Variants in MAP3K5 observed in about 807,000 individuals in gnomAD.
MAP3K5 encodes the protein ASK-1.
Under a neutral mutation model 158.7 loss-of-function variants are expected in MAP3K5, and 56 were observed. The ratio of observed to expected loss-of-function variants is 0.35; its 90% confidence interval spans 0.28 to 0.44. The LOEUF is 0.44. Ranked by LOEUF, MAP3K5 falls within the 20% of genes least tolerant of loss-of-function variation. The probability of loss-of-function intolerance (pLI) is 1.00; values close to 1 mark genes in which losing one functional copy is unlikely to be tolerated. For missense variants in MAP3K5, 1,294 were observed against 1,674.8 expected (o/e 0.77, Z 3.97); for synonymous variants, 579 against 601.7 (o/e 0.96, Z 0.55).
At chr6:136,742,584 T>C (rs1782758323) in intron 1 of MAP3K5, among the ~76,000 whole-genome samples, 1 of 152,088 alleles carries the variant, frequency 6.6e-6, no homozygotes, top group South Asian at 2.1e-4. Context: ...TAAATGACCA[T>C]TGGTATCATC....
In MAP3K5 at chr6:136,558,743, CT is replaced by C. The variant is rs926657451; in HGVS notation, c.4064+56del. 4 of 1,150,854 alleles carry C rather than the reference CT, an allele frequency of 3.5e-6. No homozygotes were observed. In the African/African-American group the frequency reaches 6.1e-5, roughly 18 times the overall value. 71.3% of individuals were successfully genotyped at this position (1,150,854 alleles called of 1,614,324 possible). A position where few individuals can be genotyped will look rare whatever the true frequency, so the allele number is the denominator to read the frequency against. ...GACCCAGCCTGGGAAGATACTCAGA[CT>C]TTTTGATATTTGCCTGGTGCTCTTT... On this transcript the variant is annotated intron_variant, in intron 29 of 29. Transcript: ENST00000359015.
At chr6:136,762,202 G>C (rs1314035990) in intron 1 of MAP3K5, among the ~76,000 whole-genome samples, 1 of 151,668 alleles carries the variant, frequency 6.6e-6, no homozygotes, top group African/African-American at 2.4e-5. Flanking sequence ...TGCCCAGCCA[G>C]GGAAAAATGG....
chr6:136,650,975 A>G lies in MAP3K5; in HGVS notation c.1788+9T>C. On this transcript the variant is annotated intron_variant, in intron 11 of 29. Transcript: ENST00000359015. ...CTAATGCTCTTGTGTTAATAACTGCACAATTTACCTTGTCATCAGGAAGCA... is the reference window on the plus strand; with the variant it reads ...CTAATGCTCTTGTGTTAATAACTGCGCAATTTACCTTGTCATCAGGAAGCA... 1 of 1,575,358 alleles carries G rather than the reference A, an allele frequency of 6.3e-7. No homozygotes were observed. Among genetic ancestry groups the G allele is most frequent in the Non-Finnish European group, 8.7e-7 (1 of 1,146,628 alleles).
intron 7 of MAP3K5, among the ~76,000 whole-genome samples, chr6:136,672,685 A>T (rs1422793062): frequency 6.6e-6 from 1 of 152,084 alleles, no homozygotes; most frequent in African/African-American, 2.4e-5. Flanking sequence ...ACCATAGGAA[A>T]AAAGTCTTCC....
intron 19 of MAP3K5, among the ~76,000 whole-genome samples, chr6:136,604,739 C>G (rs1327297195): frequency 6.7e-6 from 1 of 149,080 alleles, no homozygotes; most frequent in Non-Finnish European, 1.5e-5. Flanking sequence ...GAGAATAAGA[C>G]TGATTTACTT....
At chr6:136,669,944 A>C (rs1340657351) in intron 7 of MAP3K5, among the ~76,000 whole-genome samples, 1 of 150,596 alleles carries the variant, frequency 6.6e-6, no homozygotes, top group African/African-American at 2.4e-5. Flanking sequence ...AAAAATGAGA[A>C]CCCCGCACAT....
intron 15 of MAP3K5, among the ~76,000 whole-genome samples, chr6:136,618,856 G>C (rs79500942): frequency 1.3e-5 from 2 of 152,150 alleles, no homozygotes; most frequent in African/African-American, 4.8e-5. Context: ...CTACACATGC[G>C]GCAGGCAGCA....
At chr6:136,628,060 G>T (rs1777127335) in intron 14 of MAP3K5, among the ~76,000 whole-genome samples, 1 of 151,942 alleles carries the variant, frequency 6.6e-6, no homozygotes, top group Non-Finnish European at 1.5e-5. Context: ...AAAACATTTA[G>T]AGTCATTATT....
chr6:136,656,973 GTTATTTTATCCCTA>G (rs1778781348), intron 9 of MAP3K5, among the ~76,000 whole-genome samples: 1 of 152,178 alleles, frequency 6.6e-6, no homozygotes, highest in East Asian at 1.9e-4. Context: ...AATAACGTTG[GTTATTTTATCCCTA>G]TTTTAGAGAG....
intron 1 of MAP3K5, among the ~76,000 whole-genome samples, chr6:136,739,003 T>C (rs1008077226): frequency 1.3e-5 from 2 of 151,906 alleles, no homozygotes; most frequent in Non-Finnish European, 2.9e-5. Context: ...AGAAAGCTTA[T>C]GATCTAGCAA....
intron 24 of MAP3K5, 56 bp from the exon 25 acceptor site, chr6:136,580,462 T>C: frequency 9.5e-7 from 1 of 1,051,812 alleles, no homozygotes; most frequent in Non-Finnish European, 1.5e-6. Flanking sequence ...ATAGCCTAGA[T>C]GATCGAAGCA....
rs1774477788 is a variant in MAP3K5 at position 136,573,901 on chromosome 6, A to G, written c.3518-6027T>C. 2.0e-5 allele frequency among the ~76,000 whole-genome samples: 3 copies of G among 152,152 alleles called. No homozygotes were observed. In the South Asian group the frequency reaches 6.2e-4, roughly 32 times the overall value. On this transcript the variant is annotated intron_variant, in intron 25 of 29. Transcript: ENST00000359015. ...ATGGTTACTTCCCCAGAGGAAGGAA[A>G]ATAACTAGACCAAGTTTCTTTTTCT...
At chr6:136,671,869 G>A (rs111590859) in intron 7 of MAP3K5, among the ~76,000 whole-genome samples, 2,036 of 151,276 alleles carry the variant, frequency 0.013, 51 homozygotes, top group African/African-American at 0.039. Context: ...CAGGTGATCC[G>A]CCCACCTCGG....
intron 13 of MAP3K5, 152 bp from the exon 14 acceptor site, chr6:136,637,558 C>A: frequency 6.0e-6 from 3 of 502,012 alleles, no homozygotes; most frequent in Admixed American, 3.7e-5. Context: ...GTGAAAAATA[C>A]AATTTTTCAA....
upstream of MAP3K5, chr6:136,792,541 C>CCGCCG (rs5880308): frequency 2.9e-3 from 481 of 165,254 alleles, 2 homozygotes; most frequent in East Asian, 0.019. This position sits in a 1 kb window ranked among gnomAD's most constrained non-coding sequence, Gnocchi z 5.7. Flanking sequence ...CCCTCGCCAC[C>CCGCCG]CGCCGCGCCG....
intron 18 of MAP3K5, among the ~76,000 whole-genome samples, 171 bp from the exon 19 acceptor site, chr6:136,605,537 A>G (rs533151514): frequency 1.3e-5 from 2 of 152,380 alleles, no homozygotes; most frequent in African/African-American, 4.8e-5. Flanking sequence ...AAAAGTGGAA[A>G]TAGCAGTTTT....
At chr6:136,788,444 G>A (rs551449518) in intron 1 of MAP3K5, among the ~76,000 whole-genome samples, 30 of 152,222 alleles carry the variant, frequency 2.0e-4, no homozygotes, top group South Asian at 4.2e-4. Context: ...TTAAACTAAA[G>A]AGCTTCTACA....
At chr6:136,755,235 C>T (rs560911526) in intron 1 of MAP3K5, among the ~76,000 whole-genome samples, 2 of 152,176 alleles carry the variant, frequency 1.3e-5, no homozygotes, top group South Asian at 4.1e-4. Context: ...CCCTCTCCAG[C>T]CGCATCCAGC....
At chr6:136,616,525 G>C (rs1283306182) in intron 15 of MAP3K5, among the ~76,000 whole-genome samples, 1 of 151,390 alleles carries the variant, frequency 6.6e-6, no homozygotes. Flanking sequence ...GGCTAGTCTC[G>C]AACTCCTGAC....
Sources: allele counts gnomAD v4.1 joint callset (sites outside exome capture counted in the v4.1 genomes callset), GRCh38; gene constraint gnomAD v4.1.1; non-coding constraint Gnocchi (gnomAD v3.1); transcripts MANE v1.5; gene names NCBI Gene and HGNC (gene_info 2026-07-23, HGNC 2026-07-21).